Variants in COX20 observed in about 807,000 individuals in gnomAD.
COX20 encodes the protein cytochrome c oxidase assembly protein COX20, mitochondrial.
In COX20, 14 loss-of-function variants were observed where a neutral mutation model predicts 14.3. The ratio of observed to expected loss-of-function variants is 0.98; its 90% CI spans 0.65 to 1.53. The LOEUF (loss-of-function observed/expected upper bound fraction) is 1.53. Ranked by LOEUF, COX20 falls within the 40% of genes most tolerant of loss-of-function variation. The pLI, the probability that COX20 is intolerant of heterozygous loss-of-function variation, is 0.00. For missense variants in COX20, 149 were observed against 142.1 expected (o/e 1.05, Z -0.25); for synonymous variants, 56 against 51.7 (o/e 1.08, Z -0.36).
intron 1 of COX20, chr1:244,841,549 AT>A (rs1219411211): frequency 6.2e-6 from 1 of 162,224 alleles, no homozygotes; most frequent in African/African-American, 2.4e-5. Flanking sequence ...TACTTTTTCC[AT>A]TTCTGCTTCC....
At chr1:244,836,194 G>T (rs1342763360) in intron 1 of COX20, among the ~76,000 whole-genome samples, 1 of 152,092 alleles carries the variant, frequency 6.6e-6, no homozygotes, top group Non-Finnish European at 1.5e-5. Flanking sequence ...ATTGTACTAC[G>T]ATGAGATGAA....
intron 1 of COX20, among the ~76,000 whole-genome samples, chr1:244,838,024 CA>C (rs530613439): frequency 2.9e-4 from 43 of 148,944 alleles, no homozygotes; most frequent in East Asian, 7.8e-4. Flanking sequence ...CTTCCCAATT[CA>C]AAAAAAAAAT....
intron 2 of COX20, 53 bp from the exon 3 acceptor site, chr1:244,842,141 GT>G: frequency 6.9e-7 from 1 of 1,457,540 alleles, no homozygotes; most frequent in African/African-American, 1.4e-5. Flanking sequence ...TCTAGGTGGA[GT>G]AATGTATATA....
upstream of COX20, chr1:244,835,646 G>A (rs1446514968): frequency 8.5e-7 from 1 of 1,181,144 alleles, no homozygotes; most frequent in Non-Finnish European, 1.1e-6. Flanking sequence ...GGGGAGGGGC[G>A]CGGCCAGCCG....
rs756758226 is a variant in COX20 at position 244,842,265 on chromosome 1, T to TAA, written c.221+7_221+8insAA. On this transcript the variant is annotated splice_region_variant and intron_variant, in intron 3 of 3. Transcript: ENST00000411948. Reference sequence around the variant, plus strand: ...TGGTGACTTTGGGATGCTGGTATGTTTGCTAAGTATTCAAGAACATCCATG... The same window carrying TAA: ...TGGTGACTTTGGGATGCTGGTATGTTAATGCTAAGTATTCAAGAACATCCATG... The TAA allele has an allele frequency of 1.9e-6, 3 of 1,579,050 alleles. No homozygotes were observed. The South Asian group carries it at 3.3e-5, about 17-fold the overall frequency.
chr1:244,842,278 A>G lies in COX20; in HGVS notation c.221+20A>G. On this transcript the variant is annotated intron_variant, in intron 3 of 3. Transcript: ENST00000411948. ...ATGCTGGTATGTTTGCTAAGTATTC[A>G]AGAACATCCATGATTATAGTAGGTT... The G allele has an allele frequency of 6.5e-7, 1 of 1,532,728 alleles. No individual in the cohort carries two copies. Among genetic ancestry groups the G allele is most frequent in the Non-Finnish European group, 9.0e-7 (1 of 1,105,864 alleles). The allele number at this position is 1,532,728 out of a possible 1,614,324, so 94.9% of individuals were successfully genotyped here. A position where few individuals can be genotyped will look rare whatever the true frequency, so the allele number is the denominator to read the frequency against.
rs893295500 is a variant in COX20, at chr1:244,844,985, T to A, written c.*1809T>A. The A allele has an allele frequency of 1.9e-5, 3 of 160,306 alleles. No homozygotes were observed. Among genetic ancestry groups the A allele is most frequent in the African/African-American group, 7.2e-5 (3 of 41,422 alleles). The allele number at this position is 160,306 out of a possible 1,614,324, so 9.9% of individuals were successfully genotyped here. On this transcript the variant is annotated 3_prime_UTR_variant, in exon 4 of 4. Transcript: ENST00000411948. The stretch of plus-strand genomic sequence containing the variant: ...ATATTTCCATATAATCTACATACAT[T>A]CTCCCATATACTTTAAATCATCTCT...
chr1:244,842,852 A>C (rs1680262074), intron 3 of COX20, 189 bp from the exon 4 acceptor site: 8 of 435,284 alleles, frequency 1.8e-5, no homozygotes, highest in Middle Eastern at 6.3e-4. Flanking sequence ...TTCCTAATAA[A>C]AAAAGAATGT....
intron 1 of COX20, 81 bp downstream of exon 1, chr1:244,835,837 C>T (rs2102968107): frequency 9.6e-7 from 1 of 1,046,734 alleles, no homozygotes; most frequent in Non-Finnish European, 1.2e-6. Flanking sequence ...AGGCCCGGAG[C>T]ACGTGTCACT....
intron 1 of COX20, among the ~76,000 whole-genome samples, chr1:244,837,316 G>A (rs568199054): frequency 6.6e-6 from 1 of 151,882 alleles, no homozygotes; most frequent in Non-Finnish European, 1.5e-5. Context: ...ATTAATAGAA[G>A]CTATGATGAA....
At chr1:244,837,564 A>G (rs1164576507) in intron 1 of COX20, among the ~76,000 whole-genome samples, 5 of 152,214 alleles carry the variant, frequency 3.3e-5, no homozygotes, top group Non-Finnish European at 7.4e-5. Context: ...TGGTACATAC[A>G]GGTAAATTCA....
chr1:244,842,926 C>T, intron 3 of COX20, 115 bp from the exon 4 acceptor site: 3 of 749,356 alleles, frequency 4.0e-6, no homozygotes, highest in Non-Finnish European at 6.1e-6. Context: ...ACATATTTTT[C>T]AGTCTCAGGG....
At chr1:244,840,887 AAAC>A (rs2102973909) in intron 1 of COX20, 1 of 152,308 alleles carries the variant, frequency 6.6e-6, no homozygotes, top group Non-Finnish European at 1.5e-5. Flanking sequence ...GTCCTGCCCC[AAAC>A]AATACTAACC....
intron 1 of COX20, chr1:244,841,284 C>G: frequency 6.6e-6 from 1 of 152,238 alleles, no homozygotes; most frequent in African/African-American, 2.4e-5. Context: ...AAATCCAGCT[C>G]TTTGGATCCC....
In COX20 at chr1:244,844,888, A is replaced by G. The variant is rs1274519449; in HGVS notation, c.*1712A>G. ...ATATTTAACAAAATATGGACAGGCCACTTATGCTCAGTTTTACCTTAGTTA... is the reference window on the plus strand; with the variant it reads ...ATATTTAACAAAATATGGACAGGCCGCTTATGCTCAGTTTTACCTTAGTTA... On this transcript the variant is annotated 3_prime_UTR_variant, in exon 4 of 4. Coordinates refer to ENST00000411948, the MANE Select transcript of COX20 (RefSeq NM_198076.6). The G allele has an allele frequency of 2.6e-5, 4 of 152,282 alleles. No individual in the cohort carries two copies. The highest frequency in any genetic ancestry group is 2.6e-4 in the Admixed American group (4 of 15,286). 9.4% of individuals were successfully genotyped at this position (152,282 alleles called of 1,614,324 possible).
chr1:244,842,465 T>C (rs1404439568), intron 3 of COX20: 6 of 530,938 alleles, frequency 1.1e-5, no homozygotes, highest in Non-Finnish European at 2.0e-5. Context: ...AAAGCTGTGG[T>C]TTTTACACTT....
intron 1 of COX20, 78 bp from the exon 2 acceptor site, chr1:244,841,866 G>A: frequency 3.7e-6 from 3 of 805,876 alleles, no homozygotes; most frequent in Non-Finnish European, 6.3e-6. Context: ...AAAAGAAATG[G>A]TGTATTGTCA....
intron 1 of COX20, chr1:244,836,609 CAGAA>C: frequency 5.0e-6 from 6 of 1,190,624 alleles, no homozygotes; most frequent in Non-Finnish European, 7.2e-6. Flanking sequence ...AACAGGTATT[CAGAA>C]AAGAATAATG....
chr1:244,836,402 AG>A, intron 1 of COX20: 1 of 1,179,870 alleles, frequency 8.5e-7, no homozygotes, highest in East Asian at 2.5e-5. Context: ...TTCTTGGTAT[AG>A]TAAAGCTAAA....
Sources: allele counts gnomAD v4.1 joint callset (sites outside exome capture counted in the v4.1 genomes callset), GRCh38; gene constraint gnomAD v4.1.1; transcripts MANE v1.5; gene names NCBI Gene and HGNC (gene_info 2026-07-23, HGNC 2026-07-21).